Variants in ZC3H10 observed in about 807,000 individuals in gnomAD.
ZC3H10 encodes zinc finger CCCH-type containing 10.
Under a neutral mutation model 24.3 loss-of-function variants are expected in ZC3H10, and 12 were observed. The observed-to-expected ratio is 0.49, with a 90% CI of 0.32 to 0.80. The LOEUF (loss-of-function observed/expected upper bound fraction) is 0.80. ZC3H10 is among the 30% of genes least tolerant of loss of function. ZC3H10 has a pLI of 0.04. For missense variants in ZC3H10, 360 were observed against 576.3 expected, an observed-to-expected ratio of 0.62 and a Z score of 3.84; for synonymous variants, 226 against 217.0, an observed-to-expected ratio of 1.04 and a Z score of -0.36.
chr12:56,118,958 G>A (rs1869725759), intron 1 of ZC3H10, 130 bp from the exon 2 acceptor site: 1 of 152,760 alleles, frequency 6.5e-6, no homozygotes, highest in East Asian at 1.9e-4. Context: ...GTGAAGTTCA[G>A]TTTGAACCCT....
rs1869923943 is a variant in ZC3H10 at position 56,124,029 on chromosome 12, G to C, written c.*2162G>C. 3 of 152,228 alleles carry C rather than the reference G, an allele frequency of 2.0e-5. No homozygotes were observed. The South Asian group carries it at 6.2e-4, about 32-fold the overall frequency. The allele number at this position is 152,228 out of a possible 1,614,324, so 9.4% of individuals were successfully genotyped here. ...TGTTAGGAACGACTTAGAGAACTTA[G>C]ACTTTGGTTAAGTGATTTTGGGGAA... is the stretch of plus-strand genomic sequence containing the variant. On this transcript the variant is annotated 3_prime_UTR_variant, in exon 3 of 3. Transcript: ENST00000257940.
intron 2 of ZC3H10, 164 bp from the exon 3 acceptor site, chr12:56,120,347 C>A (rs1869771129): frequency 1.0e-6 from 1 of 985,336 alleles, no homozygotes; most frequent in African/African-American, 1.7e-5. Context: ...GTGCACAAAA[C>A]CCTGGGAGGG....
In ZC3H10 at chr12:56,121,601, C is replaced by A; in HGVS notation, c.1039C>A (p.Pro347Thr). 6.2e-7 allele frequency: 1 copy of A among 1,613,466 alleles called. No individual in the cohort carries two copies. Among genetic ancestry groups the A allele is most frequent in the Non-Finnish European group, 8.5e-7 (1 of 1,179,600 alleles). ...APAAPPTNAA[P>T]PAAPPPPPPH... ...AGCTGCTCCCCCAACTAATGCTGCACCTCCTGCTGCTCCACCACCCCCACC... is the reference window on the plus strand; with the variant it reads ...AGCTGCTCCCCCAACTAATGCTGCAACTCCTGCTGCTCCACCACCCCCACC... The change falls in exon 3 of 3, where the codon CCT (proline) becomes ACT (threonine). Residue 347 changes from proline (P) to threonine (T), a missense_variant. Transcript: ENST00000257940. The surrounding 1 kb of genome is among the most constrained non-coding windows in gnomAD (Gnocchi z 6.2).
chr12:56,119,340 C>T (rs1286616955), intron 2 of ZC3H10, 189 bp downstream of exon 2: 2 of 152,242 alleles, frequency 1.3e-5, no homozygotes, highest in African/African-American at 4.8e-5. Flanking sequence ...TCTGGGACTA[C>T]CTCTCTTTAG....
chr12:56,121,943 TC>T lies in ZC3H10; in HGVS notation c.*80del. 5 of 1,458,392 alleles carry T rather than the reference TC, an allele frequency of 3.4e-6. No homozygotes were observed. The highest frequency in any genetic ancestry group is 3.7e-6 in the Non-Finnish European group (4 of 1,090,728). 90.3% of individuals were successfully genotyped at this position (1,458,392 alleles called of 1,614,324 possible). A position where few individuals can be genotyped will look rare whatever the true frequency, so the allele number is the denominator to read the frequency against. On this transcript the variant is annotated 3_prime_UTR_variant, in exon 3 of 3. Coordinates refer to ENST00000257940, the MANE Select transcript of ZC3H10 (RefSeq NM_032786.3). This position sits in a 1 kb window ranked among gnomAD's most constrained non-coding sequence, Gnocchi z 6.2. The stretch of plus-strand genomic sequence containing the variant: ...GGGCCCTTGCCCACTCACCTAGCCT[TC>T]CCCATCCCTGTCTGAAGGGCTCCCT...
rs755260416 is a variant in ZC3H10 at position 56,120,549 on chromosome 12, T to C, written c.-14T>C. The C allele has an allele frequency of 4.6e-6, 7 of 1,521,168 alleles. No homozygotes were observed. The highest frequency in any genetic ancestry group is 2.2e-5 in the Admixed American group (1 of 46,386). The allele number at this position is 1,521,168 out of a possible 1,614,324, so 94.2% of individuals were successfully genotyped here. On this transcript the variant is annotated 5_prime_UTR_variant, in exon 3 of 3. Transcript: ENST00000257940. Reference sequence around the variant, plus strand: ...TGGCAAGATAAAGAAAACCCTGAGTTGGGCGGGACCAGGATGCCTGACCGG... The same window carrying C: ...TGGCAAGATAAAGAAAACCCTGAGTCGGGCGGGACCAGGATGCCTGACCGG...
At position 56,120,847 on chromosome 12, in the gene ZC3H10, C is replaced by T. The variant is rs1277739175; in HGVS notation, c.285C>T (p.Ile95=). The part of the protein sequence containing the change: ...KECSRPNCRF[I]HGSKEDEDGY... ...GTAGCCGCCCAAATTGCCGTTTCAT[C>T]CATGGCTCCAAGGAGGATGAGGATG... The change falls in exon 3 of 3, where the codon ATC becomes ATT. Residue 95 remains isoleucine, a synonymous_variant. Coordinates refer to ENST00000257940, the MANE Select transcript of ZC3H10 (RefSeq NM_032786.3). 5 of 1,614,058 alleles carry T rather than the reference C, an allele frequency of 3.1e-6. No individual in the cohort carries two copies. The Admixed American group carries it at 5.0e-5, about 16-fold the overall frequency.
At position 56,122,056 on chromosome 12, in the gene ZC3H10, T is replaced by A; in HGVS notation, c.*189T>A. 1 of 688,792 alleles carries A rather than the reference T, an allele frequency of 1.5e-6. No individual in the cohort carries two copies. 42.7% of individuals were successfully genotyped at this position (688,792 alleles called of 1,614,324 possible). A position where few individuals can be genotyped will look rare whatever the true frequency, so the allele number is the denominator to read the frequency against. On this transcript the variant is annotated 3_prime_UTR_variant, in exon 3 of 3. Transcript: ENST00000257940. ...TTCTCTCACCTCCCTTTTATGAGGG[T>A]CCTCTTGTCCATCTTCAAGCCTCAC... is the stretch of plus-strand genomic sequence containing the variant.
Position 56,126,505 on chromosome 12 carries a change from G to A in ZC3H10, c.*4638G>A, listed in dbSNP as rs1268588577. On this transcript the variant is annotated 3_prime_UTR_variant, in exon 3 of 3. Coordinates refer to ENST00000257940, the MANE Select transcript of ZC3H10 (RefSeq NM_032786.3). Reference sequence around the variant, plus strand: ...TTTTATCCCCTATATAATTTCTGATGATCTGGATGAGGTGAGGAAGGGAGA... The same window carrying A: ...TTTTATCCCCTATATAATTTCTGATAATCTGGATGAGGTGAGGAAGGGAGA... 6.6e-6 allele frequency: 1 copy of A among 152,130 alleles called. No homozygotes were observed. The highest frequency in any genetic ancestry group is 1.5e-5 in the Non-Finnish European group (1 of 68,030). The allele number at this position is 152,130 out of a possible 1,614,324, so 9.4% of individuals were successfully genotyped here. A position where few individuals can be genotyped will look rare whatever the true frequency, so the allele number is the denominator to read the frequency against.
chr12:56,119,765 C>T (rs939238830), intron 2 of ZC3H10: 1 of 151,836 alleles, frequency 6.6e-6, no homozygotes, highest in East Asian at 1.9e-4. Context: ...GGGATCTTCA[C>T]ATAGGGGAGT....
At position 56,121,042 on chromosome 12, in the gene ZC3H10, A is replaced by T. The variant is rs747792367; in HGVS notation, c.480A>T (p.Gln160His). Residue 160 changes from glutamine to histidine, a missense_variant, in exon 3 of 3, where the codon CAA becomes CAT. Coordinates refer to ENST00000257940, the MANE Select transcript of ZC3H10 (RefSeq NM_032786.3). The surrounding 1 kb of genome is among the most constrained non-coding windows in gnomAD (Gnocchi z 6.2). ...CCAAGTGCAAGTTCCGTCACCTGCA[A>T]CGGGATTTTGAGTTTGATGCTCGGG... Reference protein sequence around the residue: ...RGAKCKFRHLQRDFEFDARGG... With the variant: ...RGAKCKFRHLHRDFEFDARGG... 2.5e-6 allele frequency: 4 copies of T among 1,614,162 alleles called. No individual in the cohort carries two copies. The highest frequency in any genetic ancestry group is 3.4e-6 in the Non-Finnish European group (4 of 1,180,024).
Position 56,120,723 on chromosome 12 carries a change from A to G in ZC3H10, c.161A>G (p.Lys54Arg). 6.2e-7 allele frequency: 1 copy of G among 1,614,202 alleles called. No homozygotes were observed. The highest frequency in any genetic ancestry group is 8.5e-7 in the Non-Finnish European group (1 of 1,180,030). ...TTGAGGAATGTGTGCAAGCGAGGCA[A>G]GCGTTGCCGATATCGCCACCCAGAC... ...DFLRNVCKRG[K>R]RCRYRHPDMS... Residue 54 changes from lysine (K) to arginine (R), a missense_variant, in exon 3 of 3, where the codon AAG becomes AGG. Coordinates refer to ENST00000257940, the MANE Select transcript of ZC3H10 (RefSeq NM_032786.3).
In ZC3H10 at chr12:56,121,907, C is replaced by T. The variant is rs199927515; in HGVS notation, c.*40C>T. On this transcript the variant is annotated 3_prime_UTR_variant, in exon 3 of 3. Coordinates refer to ENST00000257940, the MANE Select transcript of ZC3H10 (RefSeq NM_032786.3). This position sits in a 1 kb window ranked among gnomAD's most constrained non-coding sequence, Gnocchi z 6.2. ...ACTCCCCTGGTATAGCCTCGCAGGGCTGGGGTCAGGGGGCCCTTGCCCACT... is the reference window on the plus strand; with the variant it reads ...ACTCCCCTGGTATAGCCTCGCAGGGTTGGGGTCAGGGGGCCCTTGCCCACT... 3,575 of 1,544,906 alleles carry T rather than the reference C, an allele frequency of 2.3e-3. 4 individuals carry two copies. The highest frequency in any genetic ancestry group is 2.7e-3 in the Non-Finnish European group (3,074 of 1,142,632).
rs1429550916 is a variant in ZC3H10, at chr12:56,122,700, C to T, written c.*833C>T. ...TTATGGGGTAAAAGCTTTGGAGCCA[C>T]CCAGTCTAGTTTTAAAAATAGTCCC... On this transcript the variant is annotated 3_prime_UTR_variant, in exon 3 of 3. Transcript: ENST00000257940. 2 of 152,188 alleles carry T rather than the reference C, an allele frequency of 1.3e-5. No individual in the cohort carries two copies. The highest frequency in any genetic ancestry group is 4.8e-5 in the African/African-American group (2 of 41,434). 9.4% of individuals were successfully genotyped at this position (152,188 alleles called of 1,614,324 possible).
Position 56,122,097 on chromosome 12 carries a change from A to G in ZC3H10, c.*230A>G, listed in dbSNP as rs1869864407. 2 of 576,064 alleles carry G rather than the reference A, an allele frequency of 3.5e-6. No individual in the cohort carries two copies. Among genetic ancestry groups the G allele is most frequent in the Admixed American group, 3.3e-5 (1 of 30,236 alleles). The allele number at this position is 576,064 out of a possible 1,614,324, so 35.7% of individuals were successfully genotyped here. On this transcript the variant is annotated 3_prime_UTR_variant, in exon 3 of 3. Transcript: ENST00000257940. ...CAAGCCTCACAGTGGGGGCTTGCAG[A>G]GGAGTGCAGACTGAAGCCAGCAGAG...
In ZC3H10 at chr12:56,121,427, C is replaced by G. The variant is rs1341511748; in HGVS notation, c.865C>G (p.Pro289Ala). 1 of 1,611,518 alleles carries G rather than the reference C, an allele frequency of 6.2e-7. No individual in the cohort carries two copies. Among genetic ancestry groups the G allele is most frequent in the South Asian group, 1.1e-5 (1 of 91,048 alleles). Residue 289 changes from proline (P) to alanine (A), a missense_variant, in exon 3 of 3, where the codon CCA becomes GCA. By Grantham distance (27) the Pro-to-Ala change is conservative. This residue lies in a region of ZC3H10 where 133 missense variants were observed against 256.7 expected (regional missense o/e 0.52). Coordinates refer to ENST00000257940, the MANE Select transcript of ZC3H10 (RefSeq NM_032786.3). The surrounding 1 kb of genome is among the most constrained non-coding windows in gnomAD (Gnocchi z 6.2). ...AKVITLSSTAPATEQTLAPTV... is the reference protein window; with the variant it reads ...AKVITLSSTAAATEQTLAPTV... The stretch of plus-strand genomic sequence containing the variant: ...GGTCATAACCCTGAGCTCCACTGCA[C>G]CAGCGACTGAGCAGACTCTGGCCCC...
chr12:56,123,147 T>G lies in ZC3H10; in HGVS notation c.*1280T>G, dbSNP rs140026407. On this transcript the variant is annotated 3_prime_UTR_variant, in exon 3 of 3. Coordinates refer to ENST00000257940, the MANE Select transcript of ZC3H10 (RefSeq NM_032786.3). ...AGTCAAACCTCAGTTCCTCCTCAGC[T>G]CACGGCTGATGTAGGGAAAACAACT... The G allele has an allele frequency of 3.9e-5, 6 of 152,318 alleles. No homozygotes were observed. In the East Asian group the frequency reaches 9.7e-4, roughly 25 times the overall value. 9.4% of individuals were successfully genotyped at this position (152,318 alleles called of 1,614,324 possible).
chr12:56,123,346 C>T lies in ZC3H10; in HGVS notation c.*1479C>T, dbSNP rs1464042154. The T allele has an allele frequency of 6.6e-6, 1 of 151,470 alleles. No individual in the cohort carries two copies. Among genetic ancestry groups the T allele is most frequent in the Non-Finnish European group, 1.5e-5 (1 of 67,908 alleles). 9.4% of individuals were successfully genotyped at this position (151,470 alleles called of 1,614,324 possible). ...CAAGGCCAGTCATTAAAAAAAAAAG[C>T]CTAAAGACTAAAAGTGGGCTAACAT... On this transcript the variant is annotated 3_prime_UTR_variant, in exon 3 of 3. Coordinates refer to ENST00000257940, the MANE Select transcript of ZC3H10 (RefSeq NM_032786.3).
rs764322400 is a variant in ZC3H10 at position 56,120,943 on chromosome 12, G to A, written c.381G>A (p.Pro127=). 72 of 1,614,024 alleles carry A rather than the reference G, an allele frequency of 4.5e-5. No homozygotes were observed. Among genetic ancestry groups the A allele is most frequent in the Admixed American group, 2.3e-4 (14 of 59,996 alleles). ...TAGCAGCTGGCCTTGGCCTTTCACCGGCTGACCTACCAAATGGCAAGGAGG... is the reference window on the plus strand; with the variant it reads ...TAGCAGCTGGCCTTGGCCTTTCACCAGCTGACCTACCAAATGGCAAGGAGG... ...QKVAAGLGLS[P]ADLPNGKEEV... Residue 127 remains proline (P), a synonymous_variant, in exon 3 of 3, where the codon CCG becomes CCA. Coordinates refer to ENST00000257940, the MANE Select transcript of ZC3H10 (RefSeq NM_032786.3).
Sources: allele counts gnomAD v4.1 joint callset, GRCh38; gene constraint gnomAD v4.1.1; regional missense constraint gnomAD v4.1.1; non-coding constraint Gnocchi (gnomAD v3.1); transcripts MANE v1.5; gene names NCBI Gene and HGNC (gene_info 2026-07-23, HGNC 2026-07-21).